Variants in FAAH2 observed in about 807,000 individuals in gnomAD.
FAAH2 encodes the protein fatty-acid amide hydrolase 2.
A neutral mutation model predicts 36.9 loss-of-function variants in FAAH2; 60 were observed. That is an observed-to-expected ratio of 1.63 (90% CI 1.32 to 2.02). FAAH2 has a LOEUF of 2.02. FAAH2 is among the 30% of genes most tolerant of loss of function. The pLI is 0.00. For missense variants in FAAH2, 689 were observed against 397.5 expected, an observed-to-expected ratio of 1.73 and a Z score of -6.23; for synonymous variants, 214 against 143.8, an observed-to-expected ratio of 1.49 and a Z score of -3.49.
intron 1 of FAAH2, among the ~76,000 whole-genome samples, chrX:57,289,400 G>A (rs914973605): frequency 5.4e-5 from 6 of 110,997 alleles, no homozygotes; most frequent in Non-Finnish European, 1.1e-4. Flanking sequence ...GCCTCAGTTG[G>A]TATCCAAGGT....
the FAAH2 span, among the ~76,000 whole-genome samples, chrX:57,176,227 AT>A: frequency 1.8e-5 from 2 of 108,822 alleles, no homozygotes; most frequent in Admixed American, 2.0e-4. Flanking sequence ...AGGTTTGGCC[AT>A]TTTGTATAAT....
At chrX:57,463,599 T>A (rs1050981805) in intron 10 of FAAH2, among the ~76,000 whole-genome samples, 1 of 111,496 alleles carries the variant, frequency 9.0e-6, no homozygotes, top group African/African-American at 3.3e-5. Context: ...GAAAACTGGC[T>A]AAACAGACAC....
chrX:57,215,906 CATAT>C, the FAAH2 span, among the ~76,000 whole-genome samples: 662 of 89,490 alleles, frequency 7.4e-3, 2 homozygotes, highest in African/African-American at 0.023. Flanking sequence ...CCATGGCACT[CATAT>C]ATATATATAT....
At chrX:57,202,526 G>A in the FAAH2 span, among the ~76,000 whole-genome samples, 10 of 111,741 alleles carry the variant, frequency 8.9e-5, no homozygotes, top group African/African-American at 3.3e-4. Context: ...TGGAACTTGG[G>A]GTGTAGTGAC....
At chrX:57,426,252 C>A (rs1305582292) in intron 7 of FAAH2, among the ~76,000 whole-genome samples, 1 of 111,421 alleles carries the variant, frequency 9.0e-6, no homozygotes, top group Non-Finnish European at 1.9e-5. Context: ...TATATGCACC[C>A]AGAATCATAA....
chrX:57,245,197 A>G, the FAAH2 span, among the ~76,000 whole-genome samples: 6 of 112,209 alleles, frequency 5.3e-5, no homozygotes, highest in African/African-American at 1.9e-4. Flanking sequence ...CTAAGTATAC[A>G]TGCACCCAAT....
At chrX:57,227,767 G>T in the FAAH2 span, among the ~76,000 whole-genome samples, 1 of 111,721 alleles carries the variant, frequency 9.0e-6, no homozygotes, top group South Asian at 3.8e-4. Context: ...GGACCATTGG[G>T]TGGGGGCAGG....
chrX:57,309,933 G>T (rs995953507), intron 2 of FAAH2, among the ~76,000 whole-genome samples: 24 of 111,701 alleles, frequency 2.1e-4, no homozygotes, highest in Non-Finnish European at 4.5e-4. Context: ...ATATTCTTTT[G>T]GGTATATATC....
At chrX:57,380,788 T>C (rs1161020401) in intron 6 of FAAH2, 124 bp from the exon 7 acceptor site, 1 of 423,768 alleles carries the variant, frequency 2.4e-6, no homozygotes, top group East Asian at 4.0e-5. Flanking sequence ...TATAATACTG[T>C]TTCTGGCACA....
chrX:57,435,700 A>G (rs2056396651), intron 8 of FAAH2, among the ~76,000 whole-genome samples: 1 of 111,308 alleles, frequency 9.0e-6, no homozygotes, highest in South Asian at 3.7e-4. Flanking sequence ...CATAAAACAA[A>G]TATTACTACA....
intron 10 of FAAH2, among the ~76,000 whole-genome samples, chrX:57,451,384 G>T (rs2056780961): frequency 8.9e-6 from 1 of 112,001 alleles, no homozygotes; most frequent in Non-Finnish European, 1.9e-5. Flanking sequence ...AATTTATTAA[G>T]CATGTATTGT....
In FAAH2 at chrX:57,352,070, A is replaced by AGTG. The variant is rs2054025351; in HGVS notation, c.742+10680_742+10681insGTG. On this transcript the variant is annotated intron_variant, in intron 5 of 10. Transcript: ENST00000374900. ...TATGTGTATATATATATATATACAC[A>AGTG]TATATATATGTGTATATATATGCAC... is the stretch of plus-strand genomic sequence containing the variant. 1.3e-4 allele frequency among the ~76,000 whole-genome samples: 5 copies of AGTG among 37,441 alleles called. 2 individuals are homozygous for AGTG. The East Asian group carries it at 5.8e-3, about 44-fold the overall frequency. The allele number at this position is 37,441 out of a possible 115,157, so 32.5% of individuals were successfully genotyped here. A position where few individuals can be genotyped will look rare whatever the true frequency, so the allele number is the denominator to read the frequency against.
intron 10 of FAAH2, among the ~76,000 whole-genome samples, chrX:57,449,708 C>A (rs1044243039): frequency 1.8e-5 from 2 of 110,317 alleles, no homozygotes; most frequent in Admixed American, 9.8e-5. Context: ...CTCTTGTTGC[C>A]CAGGCTGGAA....
chrX:57,435,123 A>G (rs770517641), intron 8 of FAAH2, among the ~76,000 whole-genome samples: 2 of 112,038 alleles, frequency 1.8e-5, no homozygotes, highest in East Asian at 2.8e-4. Flanking sequence ...ATGCTCAAAA[A>G]TGTCCTTGAC....
intron 7 of FAAH2, among the ~76,000 whole-genome samples, chrX:57,402,279 C>T (rs1054424579): frequency 8.9e-6 from 1 of 112,050 alleles, no homozygotes; most frequent in African/African-American, 3.2e-5. Context: ...CAGCTTATTT[C>T]TACTCAGACA....
the FAAH2 span, among the ~76,000 whole-genome samples, chrX:57,169,750 A>T: frequency 1.7e-4 from 17 of 102,962 alleles, no homozygotes; most frequent in African/African-American, 5.9e-4. Flanking sequence ...TAAGACTGCA[A>T]CATTGACTTC....
At chrX:57,445,446 T>C (rs926764070) in intron 8 of FAAH2, among the ~76,000 whole-genome samples, 21 of 111,485 alleles carry the variant, frequency 1.9e-4, no homozygotes, top group African/African-American at 5.5e-4. Context: ...GATTAAACAT[T>C]AAGCTAGCAC....
the FAAH2 span, among the ~76,000 whole-genome samples, chrX:57,216,604 A>G: frequency 1.6e-4 from 12 of 74,530 alleles, 1 homozygote; most frequent in African/African-American, 5.4e-4. Context: ...ATATGTATAT[A>G]TATACGTATA....
intron 8 of FAAH2, among the ~76,000 whole-genome samples, chrX:57,434,174 T>C (rs998023314): frequency 1.9e-5 from 2 of 107,410 alleles, no homozygotes; most frequent in African/African-American, 6.8e-5. Flanking sequence ...AACCTCTGCT[T>C]CCCTTGTTTT....
Sources: gnomAD v4.1 joint callset for allele counts (sites outside exome capture counted in the v4.1 genomes callset) on GRCh38, gnomAD v4.1.1 for gene constraint, MANE v1.5 for transcripts, NCBI Gene and HGNC (gene_info 2026-07-23, HGNC 2026-07-21) for gene names.